The following MYOCD variants were observed in gnomAD, a reference collection of about 807,000 sequenced individuals.
MYOCD encodes myocardin.
A neutral mutation model predicts 96.1 loss-of-function variants in MYOCD; 32 were observed. The ratio of observed to expected loss-of-function variants is 0.33; its 90% CI spans 0.25 to 0.45. MYOCD has a LOEUF of 0.45. Ranked by LOEUF, MYOCD falls within the 20% of genes least tolerant of loss-of-function variation. The pLI, the probability that MYOCD is intolerant of heterozygous loss-of-function variation, is 1.00. For synonymous variants in MYOCD, 469 were observed against 469.0 expected, an observed-to-expected ratio of 1.00 and a Z score of 0.00; for missense variants, 1,133 against 1,200.6, an observed-to-expected ratio of 0.94 and a Z score of 0.83.
At chr17:12,716,447 C>G (rs2031642900) in intron 3 of MYOCD, among the ~76,000 whole-genome samples, 1 of 152,190 alleles carries the variant, frequency 6.6e-6, no homozygotes, top group African/African-American at 2.4e-5. Flanking sequence ...TTGGCCCTCC[C>G]ACAGCCTGTA....
chr17:12,758,205 G>A lies in MYOCD; in HGVS notation c.2323G>A (p.Val775Ile), dbSNP rs141832064. The A allele has an allele frequency of 5.7e-4, 920 of 1,613,982 alleles. 6 individuals are homozygous for A. In the African/African-American group the frequency reaches 9.1e-3, roughly 16 times the overall value. The stretch of plus-strand genomic sequence containing the variant: ...ACAGCCTCCATCCTATGAAGATGCC[G>A]TAAAGCAGGTAACCATGTGATTTGT... ...VTQPPSYEDA[V>I]KQQMTRSQQM... The change falls in exon 12 of 14, where the codon GTA (valine) becomes ATA (isoleucine). Residue 775 changes from valine to isoleucine, a missense_variant. Val to Ile is a conservative substitution (Grantham distance 29). Coordinates refer to ENST00000425538, the MANE Select transcript of MYOCD (RefSeq NM_001146312.3).
rs140165038 is a variant in MYOCD at position 12,752,514 on chromosome 17, G to T, written c.1226G>T (p.Gly409Val). 7 of 1,614,034 alleles carry T rather than the reference G, an allele frequency of 4.3e-6. No individual in the cohort carries two copies. The African/African-American group carries it at 8.0e-5, about 18-fold the overall frequency. ...DRLRPFQDCSGNPVPNFGDIT... is the reference protein window; with the variant it reads ...DRLRPFQDCSVNPVPNFGDIT... The stretch of plus-strand genomic sequence containing the variant: ...CTTCGACCCTTCCAGGACTGCTCTG[G>T]CAACCCAGTGCCGAACTTTGGGGAT... The change falls in exon 10 of 14, where the codon GGC becomes GTC. Residue 409 changes from glycine (G) to valine (V), a missense_variant. Gly to Val is a moderately radical substitution (Grantham distance 109). Transcript: ENST00000425538.
chr17:12,763,817 G>C lies in MYOCD; in HGVS notation c.*173G>C, dbSNP rs2033259132. On this transcript the variant is annotated 3_prime_UTR_variant, in exon 14 of 14. Transcript: ENST00000425538. ...AGTCATTTTTAGAAATACATATACTGTAATATTTACCAACAGTCAGTAACT... is the reference window on the plus strand; with the variant it reads ...AGTCATTTTTAGAAATACATATACTCTAATATTTACCAACAGTCAGTAACT... 2 of 552,160 alleles carry C rather than the reference G, an allele frequency of 3.6e-6. No individual in the cohort carries two copies. Among genetic ancestry groups the C allele is most frequent in the African/African-American group, 3.8e-5 (2 of 52,190 alleles). 34.2% of individuals were successfully genotyped at this position (552,160 alleles called of 1,614,324 possible).
intron 2 of MYOCD, among the ~76,000 whole-genome samples, chr17:12,708,405 T>G (rs1212547040): frequency 6.6e-6 from 1 of 152,274 alleles, no homozygotes; most frequent in African/African-American, 2.4e-5. Context: ...ATACTTTTTT[T>G]TTTTTTGAGA....
At position 12,687,845 on chromosome 17, in the gene MYOCD, A is replaced by C. The variant is rs188678832; in HGVS notation, c.56-17283A>C. On this transcript the variant is annotated intron_variant, in intron 1 of 13. Transcript: ENST00000425538. ...TCGAGTGGAGAGGAGGTAGAAAGAA[A>C]ATCAATCACATTTGAATAATACGAT... is the stretch of plus-strand genomic sequence containing the variant. Among the ~76,000 whole-genome samples, 104 of 152,312 alleles carry C rather than the reference A, an allele frequency of 6.8e-4. 1 individual carries two copies. The East Asian group carries it at 0.018, about 27-fold the overall frequency.
chr17:12,736,083 G>C (rs1221131367), intron 5 of MYOCD, 78 bp from the exon 6 acceptor site: 3 of 1,129,932 alleles, frequency 2.7e-6, no homozygotes, highest in Non-Finnish European at 3.9e-6. Flanking sequence ...TAATAGAAAT[G>C]ACACATCGAA....
intron 9 of MYOCD, among the ~76,000 whole-genome samples, chr17:12,751,893 A>G (rs1379639245): frequency 6.6e-6 from 1 of 152,210 alleles, no homozygotes; most frequent in Non-Finnish European, 1.5e-5. Flanking sequence ...ATGCGTATCA[A>G]CTGGGTCAGA....
intron 1 of MYOCD, among the ~76,000 whole-genome samples, chr17:12,695,356 G>A (rs1039470261): frequency 6.6e-6 from 1 of 152,180 alleles, no homozygotes; most frequent in Non-Finnish European, 1.5e-5. Flanking sequence ...TATGAGGGCT[G>A]TGCCCACATG....
chr17:12,759,866 G>A (rs930285193), intron 12 of MYOCD, among the ~76,000 whole-genome samples: 11 of 152,180 alleles, frequency 7.2e-5, no homozygotes, highest in African/African-American at 2.4e-4. Flanking sequence ...AAGATGTCCT[G>A]CTCCTGGGAT....
At chr17:12,761,149 A>C (rs913821268) in intron 13 of MYOCD, 2 of 158,426 alleles carry the variant, frequency 1.3e-5, no homozygotes, top group Non-Finnish European at 2.8e-5. Flanking sequence ...AATGTTATAC[A>C]TGCTAGCAAT....
intron 4 of MYOCD, among the ~76,000 whole-genome samples, chr17:12,718,455 A>AT (rs1258491760): frequency 6.6e-6 from 1 of 152,160 alleles, no homozygotes; most frequent in East Asian, 1.9e-4. Context: ...TAGAATGTGG[A>AT]TTTCCTTCCA....
intron 1 of MYOCD, among the ~76,000 whole-genome samples, chr17:12,692,934 A>G (rs2030529010): frequency 1.3e-5 from 2 of 152,116 alleles, no homozygotes; most frequent in African/African-American, 4.8e-5. Context: ...TGAGTTTATC[A>G]CTTTCTAAAC....
chr17:12,690,794 G>C (rs1462788023), intron 1 of MYOCD, among the ~76,000 whole-genome samples: 1 of 152,078 alleles, frequency 6.6e-6, no homozygotes, highest in East Asian at 1.9e-4. Context: ...GGTAAATTGG[G>C]GAAATCCTGA....
Position 12,765,099 on chromosome 17 carries a change from G to A in MYOCD, c.*1455G>A, listed in dbSNP as rs1200091370. On this transcript the variant is annotated 3_prime_UTR_variant, in exon 14 of 14. Transcript: ENST00000425538. Reference sequence around the variant, plus strand: ...GAAAACAGAATTGCGCATTGAAAACGATGGAAGGAAAAAGACAATGGTCTA... The same window carrying A: ...GAAAACAGAATTGCGCATTGAAAACAATGGAAGGAAAAAGACAATGGTCTA... The A allele has an allele frequency of 1.3e-5, 2 of 152,110 alleles. No individual in the cohort carries two copies. The highest frequency in any genetic ancestry group is 2.4e-5 in the African/African-American group (1 of 41,404). 9.4% of individuals were successfully genotyped at this position (152,110 alleles called of 1,614,324 possible).
chr17:12,754,998 C>T (rs1354057072), intron 10 of MYOCD, among the ~76,000 whole-genome samples: 1 of 152,144 alleles, frequency 6.6e-6, no homozygotes, highest in Non-Finnish European at 1.5e-5. Flanking sequence ...AGTGGAATAT[C>T]TCCACCCCAA....
At chr17:12,666,901 G>C (rs930518906) in intron 1 of MYOCD, among the ~76,000 whole-genome samples, 2 of 152,200 alleles carry the variant, frequency 1.3e-5, no homozygotes, top group Non-Finnish European at 2.9e-5. Context: ...GTGGAAGGGA[G>C]AGACGGGAGC....
intron 5 of MYOCD, among the ~76,000 whole-genome samples, chr17:12,724,072 C>G (rs1308015590): frequency 2.0e-5 from 3 of 152,116 alleles, no homozygotes; most frequent in African/African-American, 7.2e-5. Context: ...CATCTACTCT[C>G]TCCCTCCCCA....
At chr17:12,699,785 T>C (rs2030969382) in intron 1 of MYOCD, among the ~76,000 whole-genome samples, 2 of 152,112 alleles carry the variant, frequency 1.3e-5, no homozygotes, top group South Asian at 4.1e-4. Context: ...CCCAAGAAAA[T>C]AATGCATATA....
At chr17:12,755,864 T>C (rs926732828) in intron 10 of MYOCD, among the ~76,000 whole-genome samples, 1 of 152,066 alleles carries the variant, frequency 6.6e-6, no homozygotes, top group African/African-American at 2.4e-5. Context: ...AGAGTGAGAC[T>C]CCGTCTAAAA....
Sources: gnomAD v4.1 joint callset for allele counts (sites outside exome capture counted in the v4.1 genomes callset) on GRCh38, gnomAD v4.1.1 for gene constraint, MANE v1.5 for transcripts, NCBI Gene and HGNC (gene_info 2026-07-23, HGNC 2026-07-21) for gene names.